Variants in MED13 observed in about 807,000 individuals in gnomAD.
MED13 encodes mediator complex subunit 13.
In MED13, 23 loss-of-function variants were observed where a neutral mutation model predicts 225.2. The ratio of observed to expected loss-of-function variants is 0.10; its 90% CI spans 0.07 to 0.14. MED13 has a LOEUF of 0.14. Among genes scored for constraint, MED13 ranks in the 10% least tolerant of loss-of-function variants. The pLI, the probability that MED13 is intolerant of heterozygous loss-of-function variation, is 1.00. For synonymous variants in MED13, 942 were observed against 889.2 expected, an observed-to-expected ratio of 1.06 and a Z score of -1.06; for missense variants, 2,197 against 2,594.5, an observed-to-expected ratio of 0.85 and a Z score of 3.33.
intron 16 of MED13, among the ~76,000 whole-genome samples, chr17:61,974,491 G>C (rs2080136586): frequency 6.6e-6 from 1 of 151,940 alleles, no homozygotes; most frequent in South Asian, 2.1e-4. Flanking sequence ...TCTGTATGCT[G>C]ACCCCCAGGA....
chr17:61,986,087 T>C (rs1051274318), intron 12 of MED13, among the ~76,000 whole-genome samples: 8 of 152,172 alleles, frequency 5.3e-5, no homozygotes, highest in Non-Finnish European at 8.8e-5. Flanking sequence ...CAATCTTTTA[T>C]TTCAGAGGAA....
intron 1 of MED13, among the ~76,000 whole-genome samples, chr17:62,064,140 C>T (rs899411706): frequency 6.6e-6 from 1 of 152,202 alleles, no homozygotes; most frequent in African/African-American, 2.4e-5. Context: ...TTGTGCTCCT[C>T]CCACTTAACT....
At chr17:61,984,968 A>G in intron 13 of MED13, 32 bp downstream of exon 13, 1 of 1,606,996 alleles carries the variant, frequency 6.2e-7, no homozygotes, top group East Asian at 2.2e-5. Context: ...AAGTTCGCAA[A>G]TTTATCTCGA....
intron 8 of MED13, among the ~76,000 whole-genome samples, chr17:62,015,915 CATATATAT>C (rs1198126410): frequency 0.014 from 120 of 8,590 alleles, 4 homozygotes; most frequent in African/African-American, 0.032. Context: ...ACACTATACA[CATATATAT>C]ATATATATAT....
At position 61,982,981 on chromosome 17, in the gene MED13, G is replaced by T. The variant is rs772054629; in HGVS notation, c.3022C>A (p.Arg1008=). The change falls in exon 16 of 30, where the codon CGG becomes AGG. Residue 1008 remains arginine (R), a synonymous_variant. Coordinates refer to ENST00000397786, the MANE Select transcript of MED13 (RefSeq NM_005121.3). ...CTTGGAGTCCTTGGAGTTGGAAACC[G>T]AGGGGTGGATGGAGAAGGAAGAATT... is the stretch of plus-strand genomic sequence containing the variant. ...AGILPSPSTP[R]FPTPRTPRTP... The T allele has an allele frequency of 6.2e-7, 1 of 1,614,104 alleles. No individual in the cohort carries two copies. The highest frequency in any genetic ancestry group is 8.5e-7 in the Non-Finnish European group (1 of 1,180,008).
At chr17:61,998,412 T>C (rs2080363867) in intron 9 of MED13, among the ~76,000 whole-genome samples, 2 of 152,180 alleles carry the variant, frequency 1.3e-5, no homozygotes, top group Admixed American at 6.5e-5. Flanking sequence ...CATACTATCC[T>C]GAAATGTACT....
At chr17:62,030,212 C>A in intron 6 of MED13, 199 bp from the exon 7 acceptor site, 1 of 488,160 alleles carries the variant, frequency 2.0e-6, no homozygotes, top group Middle Eastern at 5.6e-4. Flanking sequence ...ATCTCTGTAA[C>A]CTACCACTCT....
intron 27 of MED13, among the ~76,000 whole-genome samples, chr17:61,951,710 A>G (rs1270038063): frequency 6.6e-6 from 1 of 152,020 alleles, no homozygotes; most frequent in East Asian, 1.9e-4. Flanking sequence ...GCTTAAAAGT[A>G]AAAATGGTTT....
intron 9 of MED13, among the ~76,000 whole-genome samples, chr17:62,001,237 A>G (rs2080391968): frequency 6.6e-6 from 1 of 152,166 alleles, no homozygotes; most frequent in African/African-American, 2.4e-5. Flanking sequence ...GCTTGGCCTT[A>G]AACTCTCCTG....
At chr17:62,039,129 A>G (rs973751451) in intron 3 of MED13, among the ~76,000 whole-genome samples, 1 of 152,160 alleles carries the variant, frequency 6.6e-6, no homozygotes. Context: ...CCACTACCCT[A>G]TTTACTAACA....
At chr17:62,043,299 T>C (rs766747495) in intron 3 of MED13, among the ~76,000 whole-genome samples, 3 of 151,306 alleles carry the variant, frequency 2.0e-5, no homozygotes, top group Non-Finnish European at 2.9e-5. Flanking sequence ...ATGTAGAAAA[T>C]TGACCATGCA....
At chr17:61,956,239 C>A in intron 24 of MED13, 100 bp downstream of exon 24, 1 of 1,174,800 alleles carries the variant, frequency 8.5e-7, no homozygotes, top group Non-Finnish European at 1.2e-6. Flanking sequence ...TATTTGATAA[C>A]CTTTGCATTT....
At chr17:61,984,969 T>G in intron 13 of MED13, 31 bp downstream of exon 13, 1 of 1,607,338 alleles carries the variant, frequency 6.2e-7, no homozygotes. Flanking sequence ...AGTTCGCAAA[T>G]TTATCTCGAG....
At chr17:61,960,577 T>C (rs1348505289) in intron 23 of MED13, among the ~76,000 whole-genome samples, 1 of 152,232 alleles carries the variant, frequency 6.6e-6, no homozygotes, top group African/African-American at 2.4e-5. Flanking sequence ...TAGACCATTT[T>C]TTTACATCTT....
intron 3 of MED13, among the ~76,000 whole-genome samples, chr17:62,050,618 C>G (rs2080948499): frequency 6.6e-6 from 1 of 152,124 alleles, no homozygotes. Flanking sequence ...AAAAGGGCTG[C>G]TTCTGAGGAG....
intron 11 of MED13, among the ~76,000 whole-genome samples, chr17:61,990,774 C>T (rs1157548260): frequency 3.9e-5 from 6 of 152,018 alleles, no homozygotes; most frequent in Non-Finnish European, 7.4e-5. Context: ...CTATGTCTCT[C>T]TATTCCATTC....
At chr17:61,963,997 G>T (rs2080030937) in intron 20 of MED13, among the ~76,000 whole-genome samples, 1 of 152,114 alleles carries the variant, frequency 6.6e-6, no homozygotes, top group Admixed American at 6.5e-5. Flanking sequence ...TGCTCAGAAA[G>T]TTAGAGTTTC....
chr17:61,973,868 A>G (rs1370075115), intron 16 of MED13, among the ~76,000 whole-genome samples: 1 of 152,042 alleles, frequency 6.6e-6, no homozygotes, highest in Non-Finnish European at 1.5e-5. Flanking sequence ...CTGTAATCCC[A>G]GCTACTCGGG....
chr17:61,957,274 G>A (rs977901834), intron 23 of MED13, among the ~76,000 whole-genome samples: 5 of 148,286 alleles, frequency 3.4e-5, no homozygotes, highest in East Asian at 2.1e-4. Flanking sequence ...CTCAACTCCC[G>A]ACCTCAGGTG....
Sources: allele counts gnomAD v4.1 joint callset (sites outside exome capture counted in the v4.1 genomes callset), GRCh38; gene constraint gnomAD v4.1.1; transcripts MANE v1.5; gene names NCBI Gene and HGNC (gene_info 2026-07-23, HGNC 2026-07-21).